The following NELL2 variants were observed in gnomAD, a reference collection of about 807,000 sequenced individuals.
NELL2 encodes the protein neural EGFL like 2.
In NELL2, 41 loss-of-function variants were observed where a neutral mutation model predicts 109.6. The observed-to-expected ratio is 0.37, with a 90% CI of 0.29 to 0.49. The LOEUF (loss-of-function observed/expected upper bound fraction) is 0.49. Among genes scored for constraint, NELL2 ranks in the 20% least tolerant of loss-of-function variants. The pLI is 0.98. For synonymous variants in NELL2, 355 were observed against 344.7 expected (o/e 1.03, Z -0.33); for missense variants, 900 against 1,008.3 (o/e 0.89, Z 1.45).
intron 15 of NELL2, among the ~76,000 whole-genome samples, chr12:44,540,781 C>CAAACAAAAAAAAAAA (rs1942518721): frequency 2.0e-5 from 1 of 49,750 alleles, no homozygotes; most frequent in Non-Finnish European, 3.4e-5. Flanking sequence ...GTCTGCAAGC[C>CAAACAAAAAAAAAAA]AAAAAAAAAA....
intron 15 of NELL2, among the ~76,000 whole-genome samples, chr12:44,598,286 C>T (rs1013320368): frequency 6.6e-6 from 1 of 151,232 alleles, no homozygotes; most frequent in Non-Finnish European, 1.5e-5. Context: ...CAGAAAGTTT[C>T]CATGACAGAA....
rs1799277047 is a variant in NELL2 at position 44,819,636 on chromosome 12, AT to A, written c.185-3501del. On this transcript the variant is annotated intron_variant, in intron 2 of 19. Transcript: ENST00000429094. ...GTAGATGGGGTGCTATGAGGACTCC[AT>A]CCAGCTTAAACTTGAAGCTCATTCA... Among the ~76,000 whole-genome samples, 4 of 152,288 alleles carry A rather than the reference AT, an allele frequency of 2.6e-5. No homozygotes were observed. The South Asian group carries it at 8.3e-4, about 32-fold the overall frequency.
chr12:44,624,112 T>TA (rs945168759), intron 13 of NELL2, among the ~76,000 whole-genome samples: 1 of 152,120 alleles, frequency 6.6e-6, no homozygotes, highest in African/African-American at 2.4e-5. Flanking sequence ...CCTGCACATG[T>TA]ACCCTAGAAC....
intron 2 of NELL2, among the ~76,000 whole-genome samples, chr12:44,836,588 G>T: frequency 6.6e-6 from 1 of 152,312 alleles, no homozygotes; most frequent in South Asian, 2.1e-4. Context: ...AGGGATCCCA[G>T]CCCTGATAGA....
intron 3 of NELL2, among the ~76,000 whole-genome samples, chr12:44,791,995 C>G (rs1942454281): frequency 1.3e-5 from 2 of 150,456 alleles, no homozygotes; most frequent in African/African-American, 4.9e-5. Flanking sequence ...TGAGGCACAG[C>G]AAAGGAAACC....
intron 15 of NELL2, among the ~76,000 whole-genome samples, chr12:44,599,229 G>A (rs1001909653): frequency 1.3e-5 from 2 of 152,042 alleles, no homozygotes; most frequent in African/African-American, 2.4e-5. Context: ...ACAATCATGA[G>A]GCAAAAGTCA....
At chr12:44,600,473 C>A (rs1252993590) in intron 15 of NELL2, among the ~76,000 whole-genome samples, 1 of 152,092 alleles carries the variant, frequency 6.6e-6, no homozygotes, top group Non-Finnish European at 1.5e-5. Flanking sequence ...CATTCAACAA[C>A]GTTTCTCCAG....
intron 2 of NELL2, among the ~76,000 whole-genome samples, chr12:44,850,209 A>G (rs1472588897): frequency 6.6e-6 from 1 of 152,192 alleles, no homozygotes; most frequent in Non-Finnish European, 1.5e-5. Flanking sequence ...TTTGAGGGAC[A>G]TAACTTCTAA....
chr12:44,709,190 G>T (rs1459282901), intron 11 of NELL2, among the ~76,000 whole-genome samples: 1 of 152,096 alleles, frequency 6.6e-6, no homozygotes, highest in South Asian at 2.1e-4. Flanking sequence ...CTTATCTATG[G>T]TGAGGTCTAT....
intron 13 of NELL2, among the ~76,000 whole-genome samples, chr12:44,615,961 A>G (rs1945807872): frequency 6.6e-6 from 1 of 152,180 alleles, no homozygotes; most frequent in African/African-American, 2.4e-5. Flanking sequence ...CTTAGACTCT[A>G]GCACCAATTG....
intron 19 of NELL2, among the ~76,000 whole-genome samples, chr12:44,513,759 G>A (rs1448971350): frequency 6.6e-6 from 1 of 151,716 alleles, no homozygotes; most frequent in Non-Finnish European, 1.5e-5. Flanking sequence ...AATAAAAATA[G>A]AACTTTAGTG....
chr12:44,882,495 TAC>T (rs1439618320), intron 1 of NELL2, among the ~76,000 whole-genome samples: 1 of 151,244 alleles, frequency 6.6e-6, no homozygotes, highest in African/African-American at 2.4e-5. Context: ...CACACACATA[TAC>T]ACACACACGC....
At chr12:44,596,741 T>C (rs1401160128) in intron 15 of NELL2, among the ~76,000 whole-genome samples, 2 of 152,144 alleles carry the variant, frequency 1.3e-5, no homozygotes, top group Non-Finnish European at 2.9e-5. Context: ...AAAATAGGTA[T>C]TATTATCACT....
chr12:44,635,100 G>C (rs555936807), intron 13 of NELL2, among the ~76,000 whole-genome samples: 6 of 151,672 alleles, frequency 4.0e-5, no homozygotes, highest in African/African-American at 1.5e-4. Flanking sequence ...GTGTCTATTC[G>C]TATCCTTTGC....
chr12:44,509,569 C>T (rs1940892243), intron 19 of NELL2, among the ~76,000 whole-genome samples: 1 of 152,048 alleles, frequency 6.6e-6, no homozygotes, highest in African/African-American at 2.4e-5. Context: ...ACACATGCGT[C>T]CTCTCTCTCT....
At chr12:44,584,238 A>G (rs1444218454) in intron 15 of NELL2, among the ~76,000 whole-genome samples, 1 of 152,246 alleles carries the variant, frequency 6.6e-6, no homozygotes. Flanking sequence ...TGCAGAAAGA[A>G]GAGGAAGTAT....
At chr12:44,790,000 T>C (rs1453461799) in intron 3 of NELL2, among the ~76,000 whole-genome samples, 1 of 152,012 alleles carries the variant, frequency 6.6e-6, no homozygotes, top group Non-Finnish European at 1.5e-5. Context: ...AACCTAAGAA[T>C]AGTTGGTGTT....
At chr12:44,588,392 G>A (rs1285699120) in intron 15 of NELL2, among the ~76,000 whole-genome samples, 1 of 152,094 alleles carries the variant, frequency 6.6e-6, no homozygotes, top group African/African-American at 2.4e-5. Flanking sequence ...GGCTGTGGGG[G>A]TCTGTTGAAG....
At chr12:44,805,854 A>G (rs1403824488) in intron 3 of NELL2, among the ~76,000 whole-genome samples, 2 of 151,862 alleles carry the variant, frequency 1.3e-5, no homozygotes, top group Non-Finnish European at 2.9e-5. Context: ...CCAAAGGAGA[A>G]TGTTCAATAG....
Sources: gnomAD v4.1 joint callset for allele counts (sites outside exome capture counted in the v4.1 genomes callset) on GRCh38, gnomAD v4.1.1 for gene constraint, MANE v1.5 for transcripts, NCBI Gene and HGNC (gene_info 2026-07-23, HGNC 2026-07-21) for gene names.